The following KCNJ6 variants were observed in gnomAD, a reference collection of about 807,000 sequenced individuals.
KCNJ6 encodes the protein G protein-activated inward rectifier potassium channel 2.
A neutral mutation model predicts 34.2 loss-of-function variants in KCNJ6; 9 were observed. The observed-to-expected ratio is 0.26, with a 90% CI of 0.16 to 0.46. The LOEUF (loss-of-function observed/expected upper bound fraction) is 0.46. KCNJ6 is among the 20% of genes least tolerant of loss of function. The pLI, the probability that KCNJ6 is intolerant of heterozygous loss-of-function variation, is 1.00. For missense variants in KCNJ6, 236 were observed against 531.3 expected, an observed-to-expected ratio of 0.44 and a Z score of 5.46; for synonymous variants, 196 against 207.1, an observed-to-expected ratio of 0.95 and a Z score of 0.46.
At chr21:37,879,187 C>T (rs1384104359) in intron 1 of KCNJ6, among the ~76,000 whole-genome samples, 1 of 152,066 alleles carries the variant, frequency 6.6e-6, no homozygotes, top group Non-Finnish European at 1.5e-5. Flanking sequence ...TATTCCCTTC[C>T]CCCAAATTGC....
intron 3 of KCNJ6, among the ~76,000 whole-genome samples, chr21:37,692,717 T>C (rs899803122): frequency 6.6e-6 from 1 of 152,182 alleles, no homozygotes; most frequent in Non-Finnish European, 1.5e-5. Context: ...CAAAGAGACA[T>C]AGAATATTGA....
At chr21:37,681,155 TA>T (rs11309533) in intron 3 of KCNJ6, among the ~76,000 whole-genome samples, 148,921 of 152,358 alleles carry the variant, frequency 0.98, 72,817 homozygotes, top group East Asian at 1. Context: ...TGTCAAAGAA[TA>T]AAAAAGGTTC....
At chr21:37,902,856 A>G (rs1243187066) in intron 1 of KCNJ6, among the ~76,000 whole-genome samples, 1 of 152,220 alleles carries the variant, frequency 6.6e-6, no homozygotes, top group African/African-American at 2.4e-5. Context: ...ATCTAACTCA[A>G]GAAGCCACCT....
intron 3 of KCNJ6, among the ~76,000 whole-genome samples, chr21:37,646,643 C>T (rs569345263): frequency 6.6e-6 from 1 of 152,118 alleles, no homozygotes; most frequent in South Asian, 2.1e-4. Context: ...TCCTGGGTCA[C>T]GGTGCAGTTT....
At chr21:37,733,793 C>A (rs79249596) in intron 2 of KCNJ6, among the ~76,000 whole-genome samples, 11,249 of 152,214 alleles carry the variant, frequency 0.074, 444 homozygotes, top group African/African-American at 0.094. Context: ...TGGTCACATA[C>A]ACGACTGTGT....
intron 1 of KCNJ6, among the ~76,000 whole-genome samples, chr21:37,883,015 T>C (rs2055717651): frequency 6.6e-6 from 1 of 152,354 alleles, no homozygotes; most frequent in East Asian, 1.9e-4. Context: ...TGTGTTTGTA[T>C]GCATATGTGG....
intron 3 of KCNJ6, among the ~76,000 whole-genome samples, chr21:37,668,168 C>G (rs73904025): frequency 0.076 from 11,559 of 152,120 alleles, 1,065 homozygotes; most frequent in African/African-American, 0.21. Context: ...AAGCATACCC[C>G]CTCCAGTGCT....
intron 1 of KCNJ6, among the ~76,000 whole-genome samples, chr21:37,887,725 G>A (rs1482954054): frequency 1.3e-5 from 2 of 152,174 alleles, no homozygotes; most frequent in East Asian, 1.9e-4. Context: ...AAGTTCTGGG[G>A]AAAAAGGTGA....
At chr21:37,907,519 C>G (rs996743169) in intron 1 of KCNJ6, among the ~76,000 whole-genome samples, 3 of 152,150 alleles carry the variant, frequency 2.0e-5, no homozygotes, top group Non-Finnish European at 4.4e-5. Context: ...CAGTTCCTAG[C>G]TCTCTCAGCT....
Position 37,715,271 on chromosome 21 carries a change from A to G in KCNJ6, c.26-140T>C, listed in dbSNP as rs142410662. The G allele has an allele frequency of 1.8e-4, 125 of 709,880 alleles. No individual in the cohort carries two copies. The East Asian group carries it at 3.3e-3, about 19-fold the overall frequency. The allele number at this position is 709,880 out of a possible 1,614,324, so 44.0% of individuals were successfully genotyped here. On this transcript the variant is annotated intron_variant, in intron 2 of 3. Transcript: ENST00000609713. ...AAACAAAGTAGACAAAGCCATTTTT[A>G]TTCCACACCATCTGGATAGGCCTCT...
chr21:37,864,788 G>A (rs1342785186), intron 1 of KCNJ6, among the ~76,000 whole-genome samples: 2 of 151,958 alleles, frequency 1.3e-5, no homozygotes, highest in South Asian at 2.1e-4. Flanking sequence ...TTTTACTGAA[G>A]TGAAAACACC....
chr21:37,885,582 A>G (rs1461499332), intron 1 of KCNJ6, among the ~76,000 whole-genome samples: 1 of 152,216 alleles, frequency 6.6e-6, no homozygotes, highest in East Asian at 1.9e-4. Context: ...AAAGCATGCA[A>G]GCCCACATGG....
At chr21:37,900,096 A>C (rs368995847) in intron 1 of KCNJ6, among the ~76,000 whole-genome samples, 14 of 152,250 alleles carry the variant, frequency 9.2e-5, no homozygotes, top group East Asian at 7.7e-4. Context: ...AAATAGGCAC[A>C]GCCTTTTTGA....
chr21:37,673,011 T>C (rs1433775166), intron 3 of KCNJ6, among the ~76,000 whole-genome samples: 4 of 152,224 alleles, frequency 2.6e-5, no homozygotes, highest in Admixed American at 2.6e-4. Context: ...CTTTTAAGTG[T>C]GGTAAATGCT....
chr21:37,762,759 C>T (rs1242644458), intron 2 of KCNJ6, among the ~76,000 whole-genome samples: 2 of 152,142 alleles, frequency 1.3e-5, no homozygotes, highest in African/African-American at 2.4e-5. Flanking sequence ...CCCAGGCCAG[C>T]TTACACATGA....
At chr21:37,897,627 C>T (rs1019306202) in intron 1 of KCNJ6, among the ~76,000 whole-genome samples, 2 of 152,184 alleles carry the variant, frequency 1.3e-5, no homozygotes, top group African/African-American at 4.8e-5. Flanking sequence ...GGATTGTACT[C>T]CATTGTCACA....
At chr21:37,673,054 C>T (rs1183853606) in intron 3 of KCNJ6, among the ~76,000 whole-genome samples, 6 of 152,104 alleles carry the variant, frequency 3.9e-5, no homozygotes, top group South Asian at 2.1e-4. Context: ...ATTCTCAAAA[C>T]GTTTTTAATG....
chr21:37,646,064 C>T (rs1158838902), intron 3 of KCNJ6, among the ~76,000 whole-genome samples: 2 of 152,120 alleles, frequency 1.3e-5, no homozygotes, highest in East Asian at 1.9e-4. Flanking sequence ...CGTACATCCT[C>T]GTAAATGTAT....
At chr21:37,849,638 C>T (rs1345587612) in intron 1 of KCNJ6, among the ~76,000 whole-genome samples, 1 of 152,184 alleles carries the variant, frequency 6.6e-6, no homozygotes, top group African/African-American at 2.4e-5. Flanking sequence ...CTCATCACTT[C>T]TACACTATGC....
Sources: gnomAD v4.1 joint callset for allele counts (sites outside exome capture counted in the v4.1 genomes callset) on GRCh38, gnomAD v4.1.1 for gene constraint, MANE v1.5 for transcripts, NCBI Gene and HGNC (gene_info 2026-07-23, HGNC 2026-07-21) for gene names.